KIAA1217: variants seen among roughly 807,000 people sequenced by gnomAD.
KIAA1217 encodes KIAA1217, also known as sickle tail protein homolog.
KIAA1217 carries 88 observed loss-of-function variants against 163.9 expected under a neutral mutation model. The ratio of observed to expected loss-of-function variants is 0.54; its 90% CI spans 0.45 to 0.64. The LOEUF (loss-of-function observed/expected upper bound fraction) is 0.64, where lower values mean the gene tolerates loss of function less well. Ranked by LOEUF, KIAA1217 falls within the 30% of genes least tolerant of loss-of-function variation. The probability of loss-of-function intolerance (pLI) is 0.00; values close to 1 mark genes in which losing one functional copy is unlikely to be tolerated. For synonymous variants in KIAA1217, 903 were observed against 923.1 expected, an observed-to-expected ratio of 0.98 and a Z score of 0.39; for missense variants, 2,372 against 2,475.0, an observed-to-expected ratio of 0.96 and a Z score of 0.88.
intron 1 of KIAA1217, among the ~76,000 whole-genome samples, chr10:23,915,814 T>C (rs763242774): frequency 1.6e-4 from 25 of 152,238 alleles, no homozygotes; most frequent in Non-Finnish European, 3.2e-4. Flanking sequence ...AGGAATACCT[T>C]TGTAGAATTG....
chr10:24,446,100 G>A (rs1431392039), intron 5 of KIAA1217, among the ~76,000 whole-genome samples: 1 of 152,170 alleles, frequency 6.6e-6, no homozygotes, highest in Non-Finnish European at 1.5e-5. Context: ...GTATCTGATT[G>A]TGGTTTTGAT....
At chr10:23,709,120 C>T (rs1416744812) in intron 1 of KIAA1217, among the ~76,000 whole-genome samples, 3 of 152,290 alleles carry the variant, frequency 2.0e-5, no homozygotes, top group Middle Eastern at 3.4e-3. Context: ...GGCTTACCCT[C>T]CAGATGTTTT....
chr10:24,366,264 G>C (rs2050769703), intron 2 of KIAA1217, among the ~76,000 whole-genome samples: 1 of 152,026 alleles, frequency 6.6e-6, no homozygotes, highest in African/African-American at 2.4e-5. Flanking sequence ...GGCCAACATG[G>C]TTAAACCCCA....
At chr10:23,982,396 A>G (rs1047240644) in intron 1 of KIAA1217, among the ~76,000 whole-genome samples, 3 of 152,148 alleles carry the variant, frequency 2.0e-5, no homozygotes, top group Non-Finnish European at 4.4e-5. Flanking sequence ...AGTGGGAGTG[A>G]CGCTGGCCTC....
At chr10:24,102,375 T>G (rs921737207) in intron 2 of KIAA1217, among the ~76,000 whole-genome samples, 12 of 152,162 alleles carry the variant, frequency 7.9e-5, no homozygotes, top group Non-Finnish European at 1.8e-4. Context: ...AAAGCTCTGA[T>G]GAAAGAAATC....
rs12251341 is a variant in KIAA1217, at chr10:24,142,421, G to C, written c.-170-77205G>C. Among the ~76,000 whole-genome samples the C allele has an allele frequency of 7.6e-3, 1,157 of 152,268 alleles. 11 individuals carry two copies. Among genetic ancestry groups the C allele is most frequent in the African/African-American group, 0.024 (996 of 41,550 alleles). On this transcript the variant is annotated intron_variant, in intron 2 of 18. Coordinates refer to the KIAA1217 transcript ENST00000376462. ...GATAGTGCCAAGGCAGTGTCTTGGT[G>C]TAGATAAGATGGTTTCCTTGTGTCT...
At chr10:23,730,309 TTTA>T (rs1838405943) in intron 1 of KIAA1217, among the ~76,000 whole-genome samples, 1 of 152,222 alleles carries the variant, frequency 6.6e-6, no homozygotes, top group Non-Finnish European at 1.5e-5. Flanking sequence ...TAGTCTTTTC[TTTA>T]TTATATTTCC....
At chr10:24,213,833 C>G (rs142827921) in intron 1 of KIAA1217, among the ~76,000 whole-genome samples, 5 of 152,150 alleles carry the variant, frequency 3.3e-5, no homozygotes, top group African/African-American at 9.6e-5. Flanking sequence ...ATATAATGAC[C>G]TGGTTTCAGC....
intron 2 of KIAA1217, among the ~76,000 whole-genome samples, chr10:24,105,653 A>G (rs1042625263): frequency 2.6e-5 from 4 of 152,162 alleles, no homozygotes; most frequent in South Asian, 2.1e-4. Context: ...GTCCTCTGTG[A>G]GGTTGCATTC....
intron 5 of KIAA1217, among the ~76,000 whole-genome samples, chr10:24,443,274 A>G (rs2060650818): frequency 6.6e-6 from 1 of 152,202 alleles, no homozygotes; most frequent in African/African-American, 2.4e-5. Context: ...CTGTTTACAG[A>G]TGATGAGACA....
chr10:24,361,591 T>G (rs2050006541), intron 2 of KIAA1217, among the ~76,000 whole-genome samples: 4 of 152,210 alleles, frequency 2.6e-5, no homozygotes, highest in Non-Finnish European at 5.9e-5. Context: ...TGCCTGGTTT[T>G]GTTGGTTCCA....
chr10:23,781,312 A>C (rs1202881696), intron 1 of KIAA1217, among the ~76,000 whole-genome samples: 1 of 152,102 alleles, frequency 6.6e-6, no homozygotes, highest in Non-Finnish European at 1.5e-5. Flanking sequence ...CATACTAATA[A>C]GTGTGGGGTG....
intron 2 of KIAA1217, among the ~76,000 whole-genome samples, chr10:24,013,193 G>A (rs1847316900): frequency 6.6e-6 from 1 of 151,990 alleles, no homozygotes; most frequent in South Asian, 2.1e-4. Flanking sequence ...ATGTACTGAA[G>A]TACCGTCCAG....
At chr10:24,545,592 C>A in intron 20 of KIAA1217, 11 of 1,374,364 alleles carry the variant, frequency 8.0e-6, no homozygotes, top group Non-Finnish European at 1.0e-5. Flanking sequence ...AATGATGGGA[C>A]TCCTCTCACA....
At chr10:23,866,463 A>G (rs899941520) in intron 1 of KIAA1217, among the ~76,000 whole-genome samples, 1 of 152,166 alleles carries the variant, frequency 6.6e-6, no homozygotes, top group African/African-American at 2.4e-5. Flanking sequence ...GTACACCCAC[A>G]ATTTATTATA....
intron 2 of KIAA1217, chr10:24,275,788 A>G (rs563888729): frequency 1.2e-5 from 6 of 515,964 alleles, no homozygotes; most frequent in Non-Finnish European, 2.4e-5. Context: ...ACTTGGCTTT[A>G]TTGACTTTTA....
At chr10:23,904,595 G>A (rs1415026180) in intron 1 of KIAA1217, among the ~76,000 whole-genome samples, 1 of 152,120 alleles carries the variant, frequency 6.6e-6, no homozygotes, top group Non-Finnish European at 1.5e-5. Flanking sequence ...AGGGGAAAGA[G>A]AGCAGGAAAA....
intron 2 of KIAA1217, among the ~76,000 whole-genome samples, chr10:24,303,428 A>G (rs2041622671): frequency 6.6e-6 from 1 of 152,186 alleles, no homozygotes; most frequent in South Asian, 2.1e-4. Flanking sequence ...ACGTAGGGAC[A>G]ACAGGCCATG....
At chr10:23,973,898 C>A (rs1269122157) in intron 1 of KIAA1217, among the ~76,000 whole-genome samples, 1 of 152,066 alleles carries the variant, frequency 6.6e-6, no homozygotes, top group Admixed American at 6.6e-5. Context: ...TCCGACCAGT[C>A]CTGCATGTTC....
Sources: gnomAD v4.1 joint callset for allele counts (sites outside exome capture counted in the v4.1 genomes callset) on GRCh38, gnomAD v4.1.1 for gene constraint, MANE v1.5 for transcripts, NCBI Gene and HGNC (gene_info 2026-07-23, HGNC 2026-07-21) for gene names.